Variants in C2orf69 observed in about 807,000 individuals in gnomAD.
C2orf69 encodes the protein chromosome 2 open reading frame 69.
C2orf69 carries 19 observed loss-of-function variants against 29.5 expected under a neutral mutation model. That is an observed-to-expected ratio of 0.65 (90% CI 0.45 to 0.95). The LOEUF (loss-of-function observed/expected upper bound fraction) is 0.95, where lower values mean the gene tolerates loss of function less well. C2orf69 is among the 40% of genes least tolerant of loss of function. The pLI, the probability that C2orf69 is intolerant of heterozygous loss-of-function variation, is 0.00. For missense variants in C2orf69, 416 were observed against 482.1 expected (o/e 0.86, Z 1.28); for synonymous variants, 194 against 180.0 (o/e 1.08, Z -0.62).
chr2:199,922,467 G>A (rs1355791782), intron 1 of C2orf69, among the ~76,000 whole-genome samples: 4 of 152,026 alleles, frequency 2.6e-5, no homozygotes, highest in Non-Finnish European at 5.9e-5. Context: ...CAACCCATAG[G>A]AGTACTCATA....
At chr2:199,915,019 C>T (rs929387880) in intron 1 of C2orf69, among the ~76,000 whole-genome samples, 1 of 152,200 alleles carries the variant, frequency 6.6e-6, no homozygotes, top group Admixed American at 6.5e-5. Context: ...ATCTGCGATG[C>T]TTGAGAGTTG....
intron 1 of C2orf69, among the ~76,000 whole-genome samples, chr2:199,919,357 A>C (rs1339288097): frequency 6.6e-6 from 1 of 152,176 alleles, no homozygotes; most frequent in African/African-American, 2.4e-5. Flanking sequence ...TTCCAGTTTT[A>C]ACTCTTTAAA....
intron 1 of C2orf69, among the ~76,000 whole-genome samples, chr2:199,918,712 A>G (rs1412949507): frequency 6.6e-6 from 1 of 152,084 alleles, no homozygotes; most frequent in Non-Finnish European, 1.5e-5. Flanking sequence ...AAGTGTTGGA[A>G]TTATGTAACC....
chr2:199,919,868 G>C (rs1395372580), intron 1 of C2orf69, among the ~76,000 whole-genome samples: 1 of 152,200 alleles, frequency 6.6e-6, no homozygotes, highest in Non-Finnish European at 1.5e-5. Flanking sequence ...CACTTAGTTT[G>C]AATCTATCAT....
intron 1 of C2orf69, among the ~76,000 whole-genome samples, chr2:199,922,231 G>A (rs1215012566): frequency 1.3e-5 from 2 of 151,500 alleles, no homozygotes; most frequent in Non-Finnish European, 2.9e-5. Context: ...GAGTAGCTGG[G>A]ACTACAGGGG....
intron 1 of C2orf69, among the ~76,000 whole-genome samples, chr2:199,921,001 GTTTTTTTT>G (rs71019096): frequency 1.5e-5 from 1 of 67,050 alleles, no homozygotes; most frequent in African/African-American, 5.9e-5. Flanking sequence ...CTAGGAATTA[GTTTTTTTT>G]TTTTTTTTTT....
At chr2:199,915,624 A>G (rs1424193386) in intron 1 of C2orf69, among the ~76,000 whole-genome samples, 1 of 151,812 alleles carries the variant, frequency 6.6e-6, no homozygotes, top group Non-Finnish European at 1.5e-5. Context: ...CTCCTGCCTC[A>G]GCCTCCTGAG....
chr2:199,919,540 CAG>C lies in C2orf69; in HGVS notation c.334-5520_334-5519del, dbSNP rs545266677. 1.1e-4 allele frequency among the ~76,000 whole-genome samples: 17 copies of C among 152,232 alleles called. No homozygotes were observed. The South Asian group carries it at 3.3e-3, about 30-fold the overall frequency. On this transcript the variant is annotated intron_variant, in intron 1 of 1. Coordinates refer to ENST00000319974, the MANE Select transcript of C2orf69 (RefSeq NM_153689.6). ...ATGTGCACTTTATGTTTATAATAAACAGAAATTTATTTAGCTCATGATTCTGG... is the reference window on the plus strand; with the variant it reads ...ATGTGCACTTTATGTTTATAATAAACAAATTTATTTAGCTCATGATTCTGG...
chr2:199,918,802 A>T (rs754468709), intron 1 of C2orf69, among the ~76,000 whole-genome samples: 1 of 152,072 alleles, frequency 6.6e-6, no homozygotes, highest in Non-Finnish European at 1.5e-5. Flanking sequence ...TCTTTTCCCA[A>T]CCACTAACCT....
At position 199,911,332 on chromosome 2, in the gene C2orf69, C is replaced by G; in HGVS notation, c.-107C>G. On this transcript the variant is annotated 5_prime_UTR_variant, in exon 1 of 2. Transcript: ENST00000319974. ...CCTCAGCGCCGGCTCCCGGCCGGGC[C>G]GCGGCCGCCGACCGTTGAGCCGCCG... 2.3e-6 allele frequency: 3 copies of G among 1,310,838 alleles called. No individual in the cohort carries two copies. The highest frequency in any genetic ancestry group is 1.8e-5 in the South Asian group (1 of 54,396). 81.2% of individuals were successfully genotyped at this position (1,310,838 alleles called of 1,614,324 possible).
chr2:199,919,773 G>C (rs1486502142), intron 1 of C2orf69, among the ~76,000 whole-genome samples: 2 of 152,178 alleles, frequency 1.3e-5, no homozygotes, highest in Admixed American at 6.5e-5. Context: ...AATCATAGTT[G>C]CTTTAGGGAT....
At position 199,911,320 on chromosome 2, in the gene C2orf69, T is replaced by C. The variant is rs534654554; in HGVS notation, c.-119T>C. ...CTGACGTCGTCGCCTCAGCGCCGGCTCCCGGCCGGGCCGCGGCCGCCGACC... is the reference window on the plus strand; with the variant it reads ...CTGACGTCGTCGCCTCAGCGCCGGCCCCCGGCCGGGCCGCGGCCGCCGACC... On this transcript the variant is annotated 5_prime_UTR_variant, in exon 1 of 2. Transcript: ENST00000319974. 2.6e-5 allele frequency: 33 copies of C among 1,252,106 alleles called. No homozygotes were observed. In the East Asian group the frequency reaches 9.2e-4, roughly 35 times the overall value. The allele number at this position is 1,252,106 out of a possible 1,614,324, so 77.6% of individuals were successfully genotyped here. A position where few individuals can be genotyped will look rare whatever the true frequency, so the allele number is the denominator to read the frequency against.
chr2:199,925,497 T>A lies in C2orf69; in HGVS notation c.769T>A (p.Ser257Thr), dbSNP rs1378081825. The A allele has an allele frequency of 7.4e-6, 12 of 1,613,790 alleles. No homozygotes were observed. Among genetic ancestry groups the A allele is most frequent in the Non-Finnish European group, 1.0e-5 (12 of 1,179,852 alleles). ...SFYPPSLNDA[S>T]FTLIGFSKGC... ...TTATCCACCATCACTAAATGACGCA[T>A]CTTTTACTTTGATTGGATTCAGTAA... Residue 257 changes from serine to threonine, a missense_variant, in exon 2 of 2, where the codon TCT becomes ACT. Physicochemically the swap from Ser to Thr is moderately conservative, Grantham distance 58 (BLOSUM62 1). Around this residue, in one of 4 missense-constraint regions of C2orf69, gnomAD observed 225 missense variants for 307.3 expected, o/e 0.73. Transcript: ENST00000319974. This position sits in a 1 kb window ranked among gnomAD's most constrained non-coding sequence, Gnocchi z 4.9.
intron 1 of C2orf69, among the ~76,000 whole-genome samples, chr2:199,918,871 T>C (rs1024771636): frequency 2.6e-5 from 4 of 152,234 alleles, no homozygotes; most frequent in Non-Finnish European, 4.4e-5. Flanking sequence ...TCATATAGTA[T>C]GTAGTCTTTT....
At position 199,927,890 on chromosome 2, in the gene C2orf69, T is replaced by A. The variant is rs949360292; in HGVS notation, c.*2004T>A. The A allele has an allele frequency of 1.3e-5, 2 of 152,142 alleles. No homozygotes were observed. Among genetic ancestry groups the A allele is most frequent in the African/African-American group, 2.4e-5 (1 of 41,454 alleles). 9.4% of individuals were successfully genotyped at this position (152,142 alleles called of 1,614,324 possible). On this transcript the variant is annotated 3_prime_UTR_variant, in exon 2 of 2. Coordinates refer to ENST00000319974, the MANE Select transcript of C2orf69 (RefSeq NM_153689.6). ...AGAATAATTCATTTAAAAATAATTTTAAAAAATCAGACATATTTAAAAATC... is the reference window on the plus strand; with the variant it reads ...AGAATAATTCATTTAAAAATAATTTAAAAAAATCAGACATATTTAAAAATC...
intron 1 of C2orf69, among the ~76,000 whole-genome samples, chr2:199,918,209 T>C (rs1319631284): frequency 1.3e-5 from 2 of 152,194 alleles, no homozygotes; most frequent in Non-Finnish European, 2.9e-5. Flanking sequence ...TTGTATTTCT[T>C]TAGGTACCTA....
intron 1 of C2orf69, among the ~76,000 whole-genome samples, chr2:199,919,182 G>T (rs954714809): frequency 6.6e-6 from 1 of 151,916 alleles, no homozygotes; most frequent in Non-Finnish European, 1.5e-5. Flanking sequence ...CTCAAACCCC[G>T]GGGGTTAAGT....
rs2105678119 is a variant in C2orf69, at chr2:199,926,795, T to C, written c.*909T>C. On this transcript the variant is annotated 3_prime_UTR_variant, in exon 2 of 2. Coordinates refer to ENST00000319974, the MANE Select transcript of C2orf69 (RefSeq NM_153689.6). ...GAAAATTGCTTTAAATTGAGCATAT[T>C]TATGTATATTGGATAAAAATGTACT... is the stretch of plus-strand genomic sequence containing the variant. 6.5e-6 allele frequency: 1 copy of C among 152,782 alleles called. No homozygotes were observed. The highest frequency in any genetic ancestry group is 1.9e-4 in the East Asian group (1 of 5,190). 9.5% of individuals were successfully genotyped at this position (152,782 alleles called of 1,614,324 possible). A position where few individuals can be genotyped will look rare whatever the true frequency, so the allele number is the denominator to read the frequency against.
rs747542092 is a variant in C2orf69 at position 199,911,438 on chromosome 2, C to T, written c.-1C>T. ...CCGAACCGCTCTCGCGGCGGCGACC[C>T]ATGTGGGGGTTCAGGCTCCTGCGGT... On this transcript the variant is annotated 5_prime_UTR_variant, in exon 1 of 2. Coordinates refer to ENST00000319974, the MANE Select transcript of C2orf69 (RefSeq NM_153689.6). The T allele has an allele frequency of 5.3e-5, 81 of 1,529,420 alleles. 1 individual carries two copies. The highest frequency in any genetic ancestry group is 6.8e-5 in the Non-Finnish European group (77 of 1,137,642). The allele number at this position is 1,529,420 out of a possible 1,614,324, so 94.7% of individuals were successfully genotyped here.
Sources: gnomAD v4.1 joint callset for allele counts (sites outside exome capture counted in the v4.1 genomes callset) on GRCh38, gnomAD v4.1.1 for gene constraint, gnomAD v4.1.1 regional missense constraint, Gnocchi (gnomAD v3.1) non-coding constraint, MANE v1.5 for transcripts, NCBI Gene and HGNC (gene_info 2026-07-23, HGNC 2026-07-21) for gene names.